Variants in RBM19 observed in about 807,000 individuals in gnomAD.
RBM19 encodes RNA binding motif protein 19.
Under a neutral mutation model 116.8 loss-of-function variants are expected in RBM19, and 94 were observed. The ratio of observed to expected loss-of-function variants is 0.80; its 90% confidence interval spans 0.68 to 0.95. RBM19 has a LOEUF of 0.95. Among genes scored for constraint, RBM19 ranks in the 40% least tolerant of loss-of-function variants. The pLI, the probability that RBM19 is intolerant of heterozygous loss-of-function variation, is 0.00. For synonymous variants in RBM19, 475 were observed against 494.1 expected (o/e 0.96, Z 0.51); for missense variants, 1,161 against 1,220.7 (o/e 0.95, Z 0.73).
chr12:113,939,059 TC>T (rs1870318817), intron 15 of RBM19, among the ~76,000 whole-genome samples: 1 of 152,232 alleles, frequency 6.6e-6, no homozygotes, highest in Non-Finnish European at 1.5e-5. Context: ...GAACTGACTT[TC>T]ATTCATCTCA....
At chr12:113,828,301 T>C (rs1177366366) in intron 23 of RBM19, among the ~76,000 whole-genome samples, 1 of 152,106 alleles carries the variant, frequency 6.6e-6, no homozygotes, top group Non-Finnish European at 1.5e-5. Flanking sequence ...CCTGTGAGTG[T>C]GGCAGACCTG....
intron 8 of RBM19, among the ~76,000 whole-genome samples, chr12:113,950,891 C>T (rs1417071798): frequency 6.6e-6 from 1 of 152,030 alleles, no homozygotes; most frequent in African/African-American, 2.4e-5. Context: ...GTCCTTTTCC[C>T]TCCCCCTCTC....
rs531819697 is a variant in RBM19 at position 113,940,077 on chromosome 12, G to T, written c.1821C>A (p.Phe607Leu). The T allele has an allele frequency of 2.5e-6, 4 of 1,614,070 alleles. No homozygotes were observed. Among genetic ancestry groups the T allele is most frequent in the Admixed American group, 1.7e-5 (1 of 60,028 alleles). Residue 607 changes from phenylalanine to leucine, a missense_variant, in exon 15 of 24, where the codon TTC (phenylalanine) becomes TTA (leucine). Phe to Leu is a conservative substitution (Grantham distance 22). Transcript: ENST00000261741. ...CGCGGCCCAGGCTGCCAAAATGGCC[G>T]AAGGTCTCCTGCAGCTGGGCCGCCA... ...GTLAAQLQET[F>L]GHFGSLGRVL...
At chr12:113,873,625 C>T (rs2135773612) in intron 21 of RBM19, among the ~76,000 whole-genome samples, 1 of 132,126 alleles carries the variant, frequency 7.6e-6, no homozygotes, top group East Asian at 2.2e-4. Context: ...CCACTATTGT[C>T]CCATGACCCT....
chr12:113,949,813 C>T (rs1001264963), intron 9 of RBM19, among the ~76,000 whole-genome samples: 1 of 152,168 alleles, frequency 6.6e-6, no homozygotes, highest in Non-Finnish European at 1.5e-5. Flanking sequence ...TCCCCAGGAC[C>T]CGTGCCTGCT....
intron 1 of RBM19, among the ~76,000 whole-genome samples, chr12:113,965,739 C>T (rs543258016): frequency 2.6e-5 from 4 of 152,300 alleles, no homozygotes; most frequent in Non-Finnish European, 4.4e-5. Context: ...ACTCCGTATT[C>T]CTACTTGCCC....
chr12:113,837,211 G>A (rs1392853328), intron 23 of RBM19, among the ~76,000 whole-genome samples: 4 of 136,662 alleles, frequency 2.9e-5, no homozygotes, highest in Admixed American at 7.4e-5. Context: ...ACACTCTCAC[G>A]TGCTACTGCC....
intron 21 of RBM19, among the ~76,000 whole-genome samples, chr12:113,876,074 C>T (rs4625522): frequency 0.03 from 4,495 of 152,232 alleles, 159 homozygotes; most frequent in East Asian, 0.11. Flanking sequence ...CAAAGGTTTT[C>T]ACACCCTCAT....
rs967570507 is a variant in RBM19 at position 113,837,166 on chromosome 12, T to C, written c.2785+7502A>G. ...CAGGTATACCCATCCTCCTACTTAA[T>C]ATACACACACAGACACACACACAGA... On this transcript the variant is annotated intron_variant, in intron 23 of 23. Coordinates refer to ENST00000261741, the MANE Select transcript of RBM19 (RefSeq NM_016196.4). Among the ~76,000 whole-genome samples, 7 of 143,746 alleles carry C rather than the reference T, an allele frequency of 4.9e-5. No homozygotes were observed. In the Admixed American group the frequency reaches 4.9e-4, roughly 10 times the overall value. The allele number at this position is 143,746 out of a possible 152,430, so 94.3% of individuals were successfully genotyped here.
chr12:113,827,227 G>T (rs1421918713), intron 23 of RBM19, among the ~76,000 whole-genome samples: 1 of 152,148 alleles, frequency 6.6e-6, no homozygotes, highest in Non-Finnish European at 1.5e-5. Context: ...CAGTATTACA[G>T]CTGCACCCGA....
chr12:113,918,446 C>T lies in RBM19; in HGVS notation c.2387G>A (p.Gly796Asp), dbSNP rs1882913931. The change falls in exon 20 of 24, where the codon GGT becomes GAT. Residue 796 changes from glycine to aspartate, a missense_variant and splice_region_variant. Physicochemically the swap from Gly to Asp is moderately conservative, Grantham distance 94. Coordinates refer to ENST00000261741, the MANE Select transcript of RBM19 (RefSeq NM_016196.4). ...QAQKALKQLQ[G>D]HVVDGHKLEV... ...CAGCTTGTGGCCGTCCACGACGTGA[C>T]CCTAAGAGAGAAGACAACATGGCTC... The T allele has an allele frequency of 6.2e-7, 1 of 1,614,114 alleles. No individual in the cohort carries two copies. The highest frequency in any genetic ancestry group is 8.5e-7 in the Non-Finnish European group (1 of 1,179,992).
chr12:113,893,026 A>T lies in RBM19; in HGVS notation c.2558+21943T>A, dbSNP rs76865090. Reference sequence around the variant, plus strand: ...CTCAATGACCACACTGTAACTATTGATTTTTTTTTTTTTTTTAATAAGAGA... The same window carrying T: ...CTCAATGACCACACTGTAACTATTGTTTTTTTTTTTTTTTTTAATAAGAGA... On this transcript the variant is annotated intron_variant, in intron 21 of 23. Transcript: ENST00000261741. Among the ~76,000 whole-genome samples, 207 of 141,170 alleles carry T rather than the reference A, an allele frequency of 1.5e-3. 2 individuals are homozygous for T. Among genetic ancestry groups the T allele is most frequent in the South Asian group, 1.4e-3 (6 of 4,336 alleles). The allele number at this position is 141,170 out of a possible 152,430, so 92.6% of individuals were successfully genotyped here.
At chr12:113,848,539 G>C (rs1877178422) in intron 22 of RBM19, among the ~76,000 whole-genome samples, 1 of 152,152 alleles carries the variant, frequency 6.6e-6, no homozygotes. Flanking sequence ...ACACATTCTA[G>C]GGGCAAGGCA....
chr12:113,880,216 C>G (rs1430860288), intron 21 of RBM19, among the ~76,000 whole-genome samples: 1 of 152,060 alleles, frequency 6.6e-6, no homozygotes, highest in Non-Finnish European at 1.5e-5. Flanking sequence ...AAAAAAACCA[C>G]TTAAAAAATT....
intron 15 of RBM19, among the ~76,000 whole-genome samples, chr12:113,938,856 G>A (rs544949364): frequency 6.6e-6 from 1 of 152,290 alleles, no homozygotes; most frequent in East Asian, 1.9e-4. Flanking sequence ...ACTCCCTAGA[G>A]CCTTCAGAGG....
intron 8 of RBM19, 95 bp downstream of exon 8, chr12:113,952,417 C>T (rs1415342028): frequency 1.7e-5 from 19 of 1,137,284 alleles, no homozygotes; most frequent in South Asian, 6.8e-5. Context: ...GGAAGAAAAA[C>T]GGGTGCCCTT....
intron 5 of RBM19, among the ~76,000 whole-genome samples, chr12:113,958,751 CCA>C (rs1421763740): frequency 6.6e-6 from 1 of 152,234 alleles, no homozygotes; most frequent in African/African-American, 2.4e-5. Flanking sequence ...CTCCCCCACA[CCA>C]CAAACCCCTT....
At chr12:113,844,526 G>A in intron 23 of RBM19, 142 bp downstream of exon 23, 1 of 1,192,552 alleles carries the variant, frequency 8.4e-7, no homozygotes, top group Non-Finnish European at 1.1e-6. Context: ...AGGGGCTGTG[G>A]GAGGATGCCC....
chr12:113,833,897 C>A (rs1875652215), intron 23 of RBM19, among the ~76,000 whole-genome samples: 1 of 152,122 alleles, frequency 6.6e-6, no homozygotes, highest in Non-Finnish European at 1.5e-5. Flanking sequence ...GTGTGTGCCA[C>A]CATGCCTGGC....
Sources: allele counts gnomAD v4.1 joint callset (sites outside exome capture counted in the v4.1 genomes callset), GRCh38; gene constraint gnomAD v4.1.1; transcripts MANE v1.5; gene names NCBI Gene and HGNC (gene_info 2026-07-23, HGNC 2026-07-21).